ZNF630: variants seen among roughly 807,000 people sequenced by gnomAD.
ZNF630 encodes the protein dJ54B20.2 (novel KRAB box containing C2H2 type zinc finger protein).
In ZNF630, 5 loss-of-function variants were observed where a neutral mutation model predicts 7.2. The ratio of observed to expected loss-of-function variants is 0.70; its 90% confidence interval spans 0.36 to 1.46. ZNF630 has a LOEUF of 1.46. Among genes scored for constraint, ZNF630 ranks in the 40% most tolerant of loss-of-function variants. ZNF630 has a pLI of 0.03. For synonymous variants in ZNF630, 158 were observed against 162.8 expected (o/e 0.97, Z 0.23); for missense variants, 461 against 477.0 (o/e 0.97, Z 0.31).
chrX:48,071,584 T>C lies in ZNF630; in HGVS notation c.-493A>G, dbSNP rs1168840060. ...TATCTCCGAGTTTGGGTATTCGGAA[T>C]TGATCCTACGAAAGCAGTGTGAGGC... is the stretch of plus-strand genomic sequence containing the variant. On this transcript the variant is annotated 5_prime_UTR_variant, in exon 1 of 5. Transcript: ENST00000276054. The C allele has an allele frequency of 2.7e-5, 3 of 110,874 alleles. No homozygotes were observed. Among genetic ancestry groups the C allele is most frequent in the African/African-American group, 9.9e-5 (3 of 30,322 alleles). 9.1% of individuals were successfully genotyped at this position (110,874 alleles called of 1,213,427 possible).
intron 1 of ZNF630, among the ~76,000 whole-genome samples, chrX:48,067,934 G>A (rs781866490): frequency 5.4e-5 from 6 of 110,142 alleles, no homozygotes; most frequent in Non-Finnish European, 1.1e-4. Flanking sequence ...AGTGGTGGGC[G>A]CCTGTATTCC....
At position 48,059,006 on chromosome X, in the gene ZNF630, CTT is replaced by C. The variant is rs1418863501; in HGVS notation, c.1434_1435del (p.Arg479ThrfsTer12). 1.7e-6 allele frequency: 2 copies of C among 1,205,057 alleles called. No homozygotes were observed. Among genetic ancestry groups the C allele is most frequent in the Non-Finnish European group, 2.2e-6 (2 of 892,325 alleles). ...ATAAGGTTTCTCTCCAGTATGAAGT[CTT>C]TGATGGCCAGTGAGGTGTGACTTCT... On this transcript the variant is annotated frameshift_variant, in exon 5 of 5. Transcript: ENST00000276054. LOFTEE classifies it low-confidence loss of function (END_TRUNC).
intron 1 of ZNF630, among the ~76,000 whole-genome samples, chrX:48,069,394 T>C (rs2059148819): frequency 9.0e-6 from 1 of 111,153 alleles, no homozygotes; most frequent in Admixed American, 9.6e-5. Flanking sequence ...AAAAGCTTCT[T>C]AGATATTACA....
chrX:48,065,445 G>GAAAGAA (rs1715167450), intron 2 of ZNF630, among the ~76,000 whole-genome samples: 1 of 59,180 alleles, frequency 1.7e-5, no homozygotes, highest in Non-Finnish European at 3.1e-5. Flanking sequence ...CAAAAAAAAA[G>GAAAGAA]AAAGAAAGAA....
chrX:48,060,239 AC>A, intron 4 of ZNF630, 36 bp from the exon 5 acceptor site: 2 of 6,756 alleles, frequency 3.0e-4, no homozygotes, highest in South Asian at 6.8e-3. Context: ...TCAAATACAC[AC>A]ACACACACAC....
At position 48,058,868 on chromosome X, in the gene ZNF630, G is replaced by A; in HGVS notation, c.1574C>T (p.Ser525Phe). ...YQCGECGKTF[S>F]QKSLLIIHLR... ...ATGAATAATGAGGAGTGATTTCTGG[G>A]AGAAGGTTTTGCCACATTCACCACA... Residue 525 changes from serine to phenylalanine, a missense_variant, in exon 5 of 5, where the codon TCC becomes TTC. By Grantham distance (155) the Ser-to-Phe change is radical. Transcript: ENST00000276054. 4.1e-6 allele frequency: 5 copies of A among 1,207,662 alleles called. No homozygotes were observed. The Admixed American group carries it at 6.5e-5, about 16-fold the overall frequency.
At chrX:48,069,197 C>G (rs1238910243) in intron 1 of ZNF630, among the ~76,000 whole-genome samples, 1 of 105,912 alleles carries the variant, frequency 9.4e-6, no homozygotes, top group East Asian at 3.0e-4. Flanking sequence ...GCTGAGATCA[C>G]GCCATTGCAC....
intron 1 of ZNF630, among the ~76,000 whole-genome samples, chrX:48,070,314 A>T (rs1476206455): frequency 4.6e-5 from 5 of 109,285 alleles, no homozygotes; most frequent in Non-Finnish European, 7.6e-5. Context: ...ATCAGAATAT[A>T]TAAAAACAAT....
intron 1 of ZNF630, among the ~76,000 whole-genome samples, chrX:48,069,165 C>T (rs1256551141): frequency 1.9e-5 from 2 of 107,833 alleles, no homozygotes; most frequent in Non-Finnish European, 3.8e-5. Flanking sequence ...CACTTGAATC[C>T]GGGAGGCGGA....
chrX:48,071,134 A>T (rs1253734249), intron 1 of ZNF630, 133 bp downstream of exon 1: 2 of 110,071 alleles, frequency 1.8e-5, no homozygotes, highest in Non-Finnish European at 3.8e-5. Context: ...CATAACCCAC[A>T]TACTGTTACC....
intron 2 of ZNF630, among the ~76,000 whole-genome samples, chrX:48,062,562 C>T (rs1339182757): frequency 3.6e-5 from 4 of 111,930 alleles, no homozygotes; most frequent in African/African-American, 1.3e-4. Flanking sequence ...GGCGAAACCC[C>T]GTCTCTACTA....
intron 3 of ZNF630, 23 bp from the exon 4 acceptor site, chrX:48,060,568 G>T: frequency 8.6e-7 from 1 of 1,167,695 alleles, no homozygotes; most frequent in Non-Finnish European, 1.2e-6. Context: ...AATTGTAGTG[G>T]CTTTGGCCTT....
intron 1 of ZNF630, among the ~76,000 whole-genome samples, chrX:48,067,654 A>G (rs2059136822): frequency 8.9e-6 from 1 of 111,776 alleles, no homozygotes; most frequent in African/African-American, 3.3e-5. Context: ...TGCAAAAAGC[A>G]GCCAGGCGTG....
chrX:48,059,835 G>C lies in ZNF630; in HGVS notation c.607C>G (p.Pro203Ala), dbSNP rs138140859. Residue 203 changes from proline to alanine, a missense_variant, in exon 5 of 5, where the codon CCC becomes GCC. Pro to Ala is a conservative substitution (Grantham distance 27, BLOSUM62 -1). Coordinates refer to ENST00000276054, the MANE Select transcript of ZNF630 (RefSeq NM_001282201.2). Reference protein sequence around the residue: ...NYNRSYARKNPTKRFRCGRPP... With the variant: ...NYNRSYARKNATKRFRCGRPP... ...CTCCCACATCTAAATCTCTTAGTGG[G>C]GTTCTTTCTTGCATAGCTCCTGTTA... The C allele has an allele frequency of 1.7e-6, 2 of 1,208,230 alleles. No individual in the cohort carries two copies. Among genetic ancestry groups the C allele is most frequent in the Non-Finnish European group, 2.2e-6 (2 of 893,148 alleles).
chrX:48,061,799 C>T (rs1243200692), intron 2 of ZNF630: 2 of 322,080 alleles, frequency 6.2e-6, no homozygotes, highest in Non-Finnish European at 1.2e-5. Flanking sequence ...GCTTCCCCTT[C>T]CACCATGATT....
In ZNF630 at chrX:48,060,544, C is replaced by A. The variant is rs1556909030; in HGVS notation, c.144G>T (p.Gly48=). 8.4e-7 allele frequency: 1 copy of A among 1,197,277 alleles called. No homozygotes were observed. Among genetic ancestry groups the A allele is most frequent in the Admixed American group, 2.2e-5 (1 of 44,802 alleles). The part of the protein sequence containing the change: ...LETYNHLVSV[G]CSGIKPDVIF... ...TTACATCTGGTTTTATACCTGAACA[C>A]CCTGTTAAGAGAAAATTGTAGTGGC... Residue 48 remains glycine, a splice_region_variant and synonymous_variant, in exon 4 of 5, where the codon GGG becomes GGT. Transcript: ENST00000276054.
In ZNF630 at chrX:48,059,827, C is replaced by A; in HGVS notation, c.615G>T (p.Lys205Asn). The A allele has an allele frequency of 8.3e-7, 1 of 1,208,566 alleles. No homozygotes were observed. The highest frequency in any genetic ancestry group is 1.1e-6 in the Non-Finnish European group (1 of 893,273). Residue 205 changes from lysine (K) to asparagine (N), a missense_variant, in exon 5 of 5, where the codon AAG (lysine) becomes AAT (asparagine). Lys to Asn is a moderately conservative substitution (Grantham distance 94, BLOSUM62 0). Coordinates refer to ENST00000276054, the MANE Select transcript of ZNF630 (RefSeq NM_001282201.2). ...NRSYARKNPT[K>N]RFRCGRPPKY... is the part of the protein sequence containing the mutation. The stretch of plus-strand genomic sequence containing the variant: ...TAGGTGGTCTCCCACATCTAAATCT[C>A]TTAGTGGGGTTCTTTCTTGCATAGC...
intron 4 of ZNF630, 40 bp from the exon 5 acceptor site, chrX:48,060,243 AC>A: frequency 2.2e-5 from 1 of 45,386 alleles, no homozygotes; most frequent in Non-Finnish European, 2.8e-5. Context: ...ATACACACAC[AC>A]ACACACACAC....
chrX:48,062,685 G>A (rs2059110985), intron 2 of ZNF630, among the ~76,000 whole-genome samples: 1 of 111,712 alleles, frequency 9.0e-6, no homozygotes, highest in South Asian at 3.6e-4. Context: ...AGTGAGCCGA[G>A]ACTGTGCCAC....
Sources: allele counts gnomAD v4.1 joint callset (sites outside exome capture counted in the v4.1 genomes callset), GRCh38; gene constraint gnomAD v4.1.1; transcripts MANE v1.5; gene names NCBI Gene and HGNC (gene_info 2026-07-23, HGNC 2026-07-21).